The following TRPC4 variants were observed in gnomAD, a reference collection of about 807,000 sequenced individuals.
TRPC4 encodes short transient receptor potential channel 4.
Under a neutral mutation model 99.4 loss-of-function variants are expected in TRPC4, and 49 were observed. That is an observed-to-expected ratio of 0.49 (90% CI 0.39 to 0.63). The LOEUF (loss-of-function observed/expected upper bound fraction) is 0.63, where lower values mean the gene tolerates loss of function less well. Among genes scored for constraint, TRPC4 ranks in the 20% least tolerant of loss-of-function variants. The pLI is 0.00. For synonymous variants in TRPC4, 454 were observed against 425.9 expected (o/e 1.07, Z -0.81); for missense variants, 898 against 1,152.9 (o/e 0.78, Z 3.20).
At chr13:37,755,353 C>G (rs1444588819) in intron 2 of TRPC4, among the ~76,000 whole-genome samples, 1 of 151,824 alleles carries the variant, frequency 6.6e-6, no homozygotes, top group Non-Finnish European at 1.5e-5. Context: ...CCTTCCTGGG[C>G]TCAAACAATC....
chr13:37,747,566 G>A (rs2323567), intron 2 of TRPC4, among the ~76,000 whole-genome samples: 2,937 of 151,974 alleles, frequency 0.019, 73 homozygotes, highest in African/African-American at 0.067. Flanking sequence ...AAAAATGAAG[G>A]AAACCACAAA....
chr13:37,651,560 A>AATTG, intron 7 of TRPC4, 101 bp from the exon 8 acceptor site: 1 of 1,036,602 alleles, frequency 9.6e-7, no homozygotes, highest in Non-Finnish European at 1.4e-6. Flanking sequence ...GGCTCTTGGA[A>AATTG]CATTAATTAA....
chr13:37,861,621 G>A (rs1381357234), intron 1 of TRPC4, among the ~76,000 whole-genome samples: 1 of 151,486 alleles, frequency 6.6e-6, no homozygotes, highest in African/African-American at 2.4e-5. Context: ...ATTCATGAAA[G>A]GGCAAAATCA....
intron 3 of TRPC4, among the ~76,000 whole-genome samples, chr13:37,737,086 G>T (rs552986162): frequency 6.6e-6 from 1 of 151,876 alleles, no homozygotes; most frequent in East Asian, 1.9e-4. Flanking sequence ...ACAGATGAGT[G>T]TTTATAACAA....
rs615491 is a variant in TRPC4 at position 37,797,688 on chromosome 13, T to C, written c.-27-14328A>G. 6.3e-3 allele frequency among the ~76,000 whole-genome samples: 967 copies of C among 152,292 alleles called. 10 individuals are homozygous for C. The highest frequency in any genetic ancestry group is 0.022 in the African/African-American group (929 of 41,562). ...CAAAGGCAACTTAAAAAAATTAGAA[T>C]GCTTAGAATACTCTTTATAAAGGTT... On this transcript the variant is annotated intron_variant, in intron 1 of 10. Transcript: ENST00000379705.
chr13:37,868,682 C>T (rs1002681088), intron 1 of TRPC4, among the ~76,000 whole-genome samples: 3 of 151,778 alleles, frequency 2.0e-5, no homozygotes, highest in African/African-American at 7.3e-5. Context: ...TCTCTTCCTA[C>T]TCCTTTGGCT....
chr13:37,772,244 C>A (rs957802037), intron 2 of TRPC4, among the ~76,000 whole-genome samples: 1 of 151,736 alleles, frequency 6.6e-6, no homozygotes, highest in African/African-American at 2.4e-5. Flanking sequence ...GCTACTACAT[C>A]TATTACCTAA....
At chr13:37,721,324 A>G (rs967003707) in intron 3 of TRPC4, among the ~76,000 whole-genome samples, 3 of 152,150 alleles carry the variant, frequency 2.0e-5, no homozygotes, top group African/African-American at 7.2e-5. Flanking sequence ...CTTGTCCAGT[A>G]AGTCATTTAT....
At chr13:37,794,829 C>G (rs1957207016) in intron 1 of TRPC4, among the ~76,000 whole-genome samples, 1 of 152,054 alleles carries the variant, frequency 6.6e-6, no homozygotes. Flanking sequence ...CTGGGTGTCC[C>G]ATCAGTATAT....
intron 5 of TRPC4, among the ~76,000 whole-genome samples, chr13:37,664,115 C>T (rs4603421): frequency 0.36 from 55,312 of 151,920 alleles, 10,439 homozygotes; most frequent in African/African-American, 0.41. Context: ...AGGTAAAATA[C>T]ATGATTTGAG....
intron 2 of TRPC4, among the ~76,000 whole-genome samples, chr13:37,780,331 CTCTT>C (rs2139336044): frequency 6.6e-6 from 1 of 151,740 alleles, no homozygotes; most frequent in African/African-American, 2.4e-5. Context: ...TTATTAGAAC[CTCTT>C]TCTTAACTCA....
At position 37,770,611 on chromosome 13, in the gene TRPC4, G is replaced by A. The variant is rs140717528; in HGVS notation, c.378+12345C>T. 5.3e-5 allele frequency among the ~76,000 whole-genome samples: 8 copies of A among 151,626 alleles called. No individual in the cohort carries two copies. The East Asian group carries it at 1.4e-3, about 26-fold the overall frequency. ...TCTTAAGGCTGGTAATTTAAGTTGA[G>A]GTCAGGGGAATCAAAAGCTCTTCAG... On this transcript the variant is annotated intron_variant, in intron 2 of 10. Transcript: ENST00000379705.
intron 1 of TRPC4, among the ~76,000 whole-genome samples, chr13:37,849,806 G>A (rs1427770174): frequency 1.3e-5 from 2 of 152,194 alleles, no homozygotes; most frequent in East Asian, 1.9e-4. Flanking sequence ...CATGGTCATC[G>A]GTGTTGGGAA....
At chr13:37,811,144 A>G (rs565123250) in intron 1 of TRPC4, among the ~76,000 whole-genome samples, 1 of 152,258 alleles carries the variant, frequency 6.6e-6, no homozygotes, top group East Asian at 1.9e-4. Context: ...TATTTGGTTT[A>G]ATAAGATATC....
chr13:37,634,799 G>A lies in TRPC4; in HGVS notation c.*2104C>T, dbSNP rs970684401. 2.0e-5 allele frequency among the ~76,000 whole-genome samples: 3 copies of A among 151,922 alleles called. No individual in the cohort carries two copies. Among genetic ancestry groups the A allele is most frequent in the African/African-American group, 7.3e-5 (3 of 41,376 alleles). On this transcript the variant is annotated 3_prime_UTR_variant, in exon 11 of 11. Transcript: ENST00000379705. The stretch of plus-strand genomic sequence containing the variant: ...TCTCTACTACTGTAGGTATGATTTA[G>A]AAAAAAATGAGTATTTCAGTAGCCC...
intron 1 of TRPC4, among the ~76,000 whole-genome samples, chr13:37,848,167 G>A (rs1304411338): frequency 6.6e-6 from 1 of 151,922 alleles, no homozygotes; most frequent in Non-Finnish European, 1.5e-5. Context: ...CATTTCAAAT[G>A]TTTCACCATA....
Position 37,636,744 on chromosome 13 carries a change from G to T in TRPC4, c.*159C>A. The T allele has an allele frequency of 1.0e-6, 1 of 977,638 alleles. No homozygotes were observed. Among genetic ancestry groups the T allele is most frequent in the African/African-American group, 1.7e-5 (1 of 60,428 alleles). The allele number at this position is 977,638 out of a possible 1,614,324, so 60.6% of individuals were successfully genotyped here. The stretch of plus-strand genomic sequence containing the variant: ...CTACAAAACAAAAAGGTTTTTGATT[G>T]CCTTTGCCTTATTTAAACATGTTAC... On this transcript the variant is annotated 3_prime_UTR_variant, in exon 11 of 11. Coordinates refer to ENST00000379705, the MANE Select transcript of TRPC4 (RefSeq NM_016179.4).
At chr13:37,680,792 C>T (rs917458060) in intron 4 of TRPC4, among the ~76,000 whole-genome samples, 5 of 152,246 alleles carry the variant, frequency 3.3e-5, no homozygotes, top group Admixed American at 6.5e-5. Context: ...ATTCTAGCAG[C>T]GAGTGGAGAC....
chr13:37,698,377 G>A (rs1231430282), intron 3 of TRPC4, among the ~76,000 whole-genome samples: 2 of 150,956 alleles, frequency 1.3e-5, no homozygotes, highest in Non-Finnish European at 2.9e-5. Flanking sequence ...GAGCCAGGAT[G>A]GTCTCGATCT....
Sources: gnomAD v4.1 joint callset for allele counts (sites outside exome capture counted in the v4.1 genomes callset) on GRCh38, gnomAD v4.1.1 for gene constraint, MANE v1.5 for transcripts, NCBI Gene and HGNC (gene_info 2026-07-23, HGNC 2026-07-21) for gene names.